PARD3B: variants seen among roughly 807,000 people sequenced by gnomAD.
The protein encoded by PARD3B is par-3 family cell polarity regulator beta.
A neutral mutation model predicts 130.2 loss-of-function variants in PARD3B; 103 were observed. The observed-to-expected ratio is 0.79, with a 90% CI of 0.67 to 0.93. The LOEUF is 0.93. PARD3B is among the 40% of genes least tolerant of loss of function. The probability of loss-of-function intolerance (pLI) is 0.00; values close to 1 mark genes in which losing one functional copy is unlikely to be tolerated. For synonymous variants in PARD3B, 583 were observed against 553.2 expected, an observed-to-expected ratio of 1.05 and a Z score of -0.76; for missense variants, 1,609 against 1,499.2, an observed-to-expected ratio of 1.07 and a Z score of -1.21.
At chr2:205,326,593 A>G (rs936101368) in intron 18 of PARD3B, among the ~76,000 whole-genome samples, 3 of 152,202 alleles carry the variant, frequency 2.0e-5, no homozygotes, top group African/African-American at 7.2e-5. Context: ...CACAGAAAGG[A>G]TATTATTTTA....
chr2:205,348,017 G>A (rs1272699111), intron 18 of PARD3B: 1 of 152,172 alleles, frequency 6.6e-6, no homozygotes, highest in African/African-American at 2.4e-5. Context: ...AGCTCAACAG[G>A]AGCTCCCGAC....
At chr2:205,499,427 C>T (rs2050074765) in intron 20 of PARD3B, among the ~76,000 whole-genome samples, 1 of 152,114 alleles carries the variant, frequency 6.6e-6, no homozygotes, top group Non-Finnish European at 1.5e-5. Flanking sequence ...CCCCAACCCC[C>T]ACTCCCAAAG....
In PARD3B at chr2:205,230,473, G is replaced by C. The variant is rs1253047655; in HGVS notation, c.2141-15305G>C. Among the ~76,000 whole-genome samples, 1 of 152,132 alleles carries C rather than the reference G, an allele frequency of 6.6e-6. No individual in the cohort carries two copies. Among genetic ancestry groups the C allele is most frequent in the Non-Finnish European group, 1.5e-5 (1 of 68,038 alleles). ...TGGGGGCCCCAGGACTCTGCCCAGTGCCCCCTACTGTGGTAGAGCTAGGAT... is the reference window on the plus strand; with the variant it reads ...TGGGGGCCCCAGGACTCTGCCCAGTCCCCCCTACTGTGGTAGAGCTAGGAT... On this transcript the variant is annotated intron_variant, in intron 15 of 22. Coordinates refer to ENST00000406610, the MANE Select transcript of PARD3B (RefSeq NM_001302769.2). This position sits in a 1 kb window ranked among gnomAD's most constrained non-coding sequence, Gnocchi z 4.1.
chr2:205,057,668 T>C (rs1243376927), intron 4 of PARD3B, among the ~76,000 whole-genome samples: 29 of 138,358 alleles, frequency 2.1e-4, no homozygotes, highest in South Asian at 9.2e-4. Context: ...TACATATACA[T>C]ATATGTGTAT....
intron 4 of PARD3B, among the ~76,000 whole-genome samples, chr2:205,050,606 A>G (rs528581961): frequency 1.3e-5 from 2 of 152,282 alleles, no homozygotes; most frequent in South Asian, 2.1e-4. Context: ...AAATAACATA[A>G]AAGATCTCAT....
chr2:205,591,366 A>G lies in PARD3B; in HGVS notation c.3261-24090A>G, dbSNP rs546306374. On this transcript the variant is annotated intron_variant, in intron 22 of 22. Coordinates refer to ENST00000406610, the MANE Select transcript of PARD3B (RefSeq NM_001302769.2). The surrounding 1 kb of genome is among the most constrained non-coding windows in gnomAD (Gnocchi z 4.2). ...CTAAACATATTTGAATATTTGAAAG[A>G]CTGAGAAAAGCACATGAGAAGTTAT... is the stretch of plus-strand genomic sequence containing the variant. Among the ~76,000 whole-genome samples the G allele has an allele frequency of 3.9e-4, 60 of 152,340 alleles. 1 individual carries two copies. The South Asian group carries it at 0.012, about 30-fold the overall frequency.
chr2:204,812,759 G>A (rs1235612867), intron 2 of PARD3B, among the ~76,000 whole-genome samples: 5 of 152,166 alleles, frequency 3.3e-5, no homozygotes, highest in African/African-American at 1.2e-4. Context: ...ATCCTACTAG[G>A]AAGCTGCTGA....
At chr2:205,108,471 T>C (rs1703385503) in intron 5 of PARD3B, among the ~76,000 whole-genome samples, 1 of 152,038 alleles carries the variant, frequency 6.6e-6, no homozygotes, top group South Asian at 2.1e-4. Context: ...TTTTCTCCCT[T>C]CTTCTTTCTC....
intron 18 of PARD3B, among the ~76,000 whole-genome samples, chr2:205,331,265 C>CACACACA (rs2043114830): frequency 3.4e-5 from 5 of 148,618 alleles, no homozygotes; most frequent in African/African-American, 1.2e-4. Context: ...CACATATATT[C>CACACACA]CACACACACA....
At chr2:205,368,960 GC>G (rs1175832078) in intron 18 of PARD3B, among the ~76,000 whole-genome samples, 1 of 152,056 alleles carries the variant, frequency 6.6e-6, no homozygotes, top group Non-Finnish European at 1.5e-5. Context: ...AAGTTAGTGT[GC>G]TTCATAACCT....
chr2:205,425,550 T>TAAAAAAAAAAAAAAAAAAAAAAA (rs34514205), intron 19 of PARD3B, among the ~76,000 whole-genome samples: 1 of 134,704 alleles, frequency 7.4e-6, no homozygotes, highest in Non-Finnish European at 1.6e-5. Context: ...AGACTCGGTG[T>TAAAAAAAAAAAAAAAAAAAAAAA]AAAAAAAAAA....
chr2:205,232,660 A>T (rs1410499878), intron 15 of PARD3B, among the ~76,000 whole-genome samples: 1 of 148,456 alleles, frequency 6.7e-6, no homozygotes, highest in African/African-American at 2.6e-5. Flanking sequence ...TACATTCAAA[A>T]GCCAAAGGAA....
intron 2 of PARD3B, among the ~76,000 whole-genome samples, chr2:204,862,320 C>A (rs975135871): frequency 6.6e-6 from 1 of 152,146 alleles, no homozygotes; most frequent in Non-Finnish European, 1.5e-5. Context: ...CCTGGACCTT[C>A]GTTATCTCAC....
Position 205,124,357 on chromosome 2 carries a change from C to G in PARD3B, c.1196C>G (p.Thr399Ser). ...GPEGLGFTVVTRDSSIHGPGP... is the reference protein window; with the variant it reads ...GPEGLGFTVVSRDSSIHGPGP... ...GAAGGACTTGGTTTCACTGTGGTTA[C>G]CAGAGACTCTTCCATACATGGTCCC... is the stretch of plus-strand genomic sequence containing the variant. Residue 399 changes from threonine (T) to serine (S), a missense_variant, in exon 9 of 23, where the codon ACC becomes AGC. Physicochemically the swap from Thr to Ser is moderately conservative, Grantham distance 58. Transcript: ENST00000406610. 6.3e-7 allele frequency: 1 copy of G among 1,591,502 alleles called. No homozygotes were observed. Among genetic ancestry groups the G allele is most frequent in the East Asian group, 2.3e-5 (1 of 43,846 alleles).
chr2:204,643,323 A>G (rs77774517), intron 1 of PARD3B, among the ~76,000 whole-genome samples: 10,254 of 151,852 alleles, frequency 0.068, 377 homozygotes, highest in Admixed American at 0.073. Flanking sequence ...GTAATACAGC[A>G]TAATTACATC....
chr2:205,403,303 C>A (rs956775014), intron 19 of PARD3B, among the ~76,000 whole-genome samples: 1 of 152,086 alleles, frequency 6.6e-6, no homozygotes, highest in Non-Finnish European at 1.5e-5. Flanking sequence ...CCATAAAGTA[C>A]TGGAGCCAGC....
At chr2:205,523,225 GTATATATATATATATATT>G (rs1309487664) in intron 21 of PARD3B, among the ~76,000 whole-genome samples, 3 of 142,958 alleles carry the variant, frequency 2.1e-5, no homozygotes, top group African/African-American at 7.7e-5. Context: ...GTGTGTGTGT[GTATATATATATATATATT>G]TATATATATA....
chr2:204,742,933 T>C lies in PARD3B; in HGVS notation c.222+56651T>C, dbSNP rs186485920. 1.5e-4 allele frequency among the ~76,000 whole-genome samples: 23 copies of C among 152,304 alleles called. No homozygotes were observed. In the East Asian group the frequency reaches 3.5e-3, roughly 23 times the overall value. ...ACAAGTAAAAGAGATTTCATTTACA[T>C]TGTTTCCATTTACAAAGCTTTTTCT... is the stretch of plus-strand genomic sequence containing the variant. On this transcript the variant is annotated intron_variant, in intron 2 of 22. Coordinates refer to ENST00000406610, the MANE Select transcript of PARD3B (RefSeq NM_001302769.2).
chr2:205,155,480 T>C (rs2034056720), intron 10 of PARD3B, among the ~76,000 whole-genome samples: 2 of 152,148 alleles, frequency 1.3e-5, no homozygotes, highest in African/African-American at 4.8e-5. Flanking sequence ...GGATGCTAAA[T>C]TGAATTTGTT....
Sources: gnomAD v4.1 joint callset for allele counts (sites outside exome capture counted in the v4.1 genomes callset) on GRCh38, gnomAD v4.1.1 for gene constraint, Gnocchi (gnomAD v3.1) non-coding constraint, MANE v1.5 for transcripts, NCBI Gene and HGNC (gene_info 2026-07-23, HGNC 2026-07-21) for gene names.